ADAM12: variants seen among roughly 807,000 people sequenced by gnomAD.
ADAM12 encodes ADAM metallopeptidase domain 12.
In ADAM12, 70 loss-of-function variants were observed where a neutral mutation model predicts 106.4. The observed-to-expected ratio is 0.66, with a 90% CI of 0.54 to 0.80. ADAM12 has a LOEUF of 0.80. ADAM12 is among the 30% of genes least tolerant of loss of function. ADAM12 has a pLI of 0.00. For synonymous variants in ADAM12, 420 were observed against 433.5 expected (o/e 0.97, Z 0.39); for missense variants, 1,010 against 1,171.9 (o/e 0.86, Z 2.02).
chr10:126,347,020 A>G (rs994714269), intron 1 of ADAM12, among the ~76,000 whole-genome samples: 8 of 152,182 alleles, frequency 5.3e-5, no homozygotes, highest in Non-Finnish European at 1.2e-4. Flanking sequence ...TAGCCCATTT[A>G]CACTTAAGGT....
At chr10:126,046,574 G>A (rs910214191) in intron 16 of ADAM12, among the ~76,000 whole-genome samples, 1 of 151,920 alleles carries the variant, frequency 6.6e-6, no homozygotes, top group Non-Finnish European at 1.5e-5. Context: ...GGAGGCCGAG[G>A]CAGGCAGAAC....
intron 11 of ADAM12, among the ~76,000 whole-genome samples, chr10:126,082,656 C>A (rs1483712903): frequency 6.6e-6 from 1 of 152,136 alleles, no homozygotes; most frequent in African/African-American, 2.4e-5. Flanking sequence ...CAGGCGTGAG[C>A]CACCATGCCG....
At chr10:126,114,151 A>G (rs1403841794) in intron 6 of ADAM12, among the ~76,000 whole-genome samples, 1 of 152,170 alleles carries the variant, frequency 6.6e-6, no homozygotes, top group Non-Finnish European at 1.5e-5. Context: ...GGGACAGCAC[A>G]CACTGATCAT....
At chr10:126,333,544 T>A (rs1471447317) in intron 1 of ADAM12, among the ~76,000 whole-genome samples, 5 of 152,140 alleles carry the variant, frequency 3.3e-5, no homozygotes, top group Non-Finnish European at 7.4e-5. Flanking sequence ...GGGAGGGGTG[T>A]AGGGGAGGCA....
At chr10:126,274,496 G>T (rs186883986) in intron 3 of ADAM12, among the ~76,000 whole-genome samples, 60 of 152,244 alleles carry the variant, frequency 3.9e-4, no homozygotes, top group Non-Finnish European at 1.6e-4. Flanking sequence ...CCAAGCACAG[G>T]ATTTTACATT....
chr10:126,062,579 T>C (rs1010552640), intron 14 of ADAM12, among the ~76,000 whole-genome samples: 3 of 152,180 alleles, frequency 2.0e-5, no homozygotes, highest in African/African-American at 7.2e-5. Context: ...AGGACTAGAC[T>C]GATGAGATAA....
intron 3 of ADAM12, among the ~76,000 whole-genome samples, chr10:126,165,861 G>A (rs1468957229): frequency 6.6e-6 from 1 of 152,162 alleles, no homozygotes; most frequent in Non-Finnish European, 1.5e-5. Context: ...TATAATTTCA[G>A]TATTTTGGGA....
chr10:126,067,042 G>A (rs1300661707), intron 12 of ADAM12: 4 of 491,224 alleles, frequency 8.1e-6, no homozygotes, highest in Admixed American at 3.2e-5. Context: ...CCTCATGAAA[G>A]GTAAAGCAGT....
At chr10:126,276,209 C>G (rs1959238622) in intron 3 of ADAM12, among the ~76,000 whole-genome samples, 1 of 152,166 alleles carries the variant, frequency 6.6e-6, no homozygotes, top group South Asian at 2.1e-4. Context: ...ACCAGCTTGC[C>G]TTCTGATTGG....
intron 19 of ADAM12, among the ~76,000 whole-genome samples, chr10:126,038,955 T>C (rs892875832): frequency 0.019 from 2,292 of 119,086 alleles, 43 homozygotes; most frequent in African/African-American, 0.066. Context: ...ACCATTTCTT[T>C]TTTTTTTTTT....
At chr10:126,350,586 T>TC (rs1396846915) in intron 1 of ADAM12, among the ~76,000 whole-genome samples, 7 of 152,268 alleles carry the variant, frequency 4.6e-5, no homozygotes, top group Non-Finnish European at 1.0e-4. Context: ...TGGAGCATTT[T>TC]CCGCAGTGAC....
chr10:126,125,184 T>C (rs1956183179), intron 5 of ADAM12, among the ~76,000 whole-genome samples: 2 of 151,652 alleles, frequency 1.3e-5, no homozygotes, highest in South Asian at 4.2e-4. Flanking sequence ...TCACTCTTGA[T>C]CCTTCATGGC....
chr10:126,109,719 T>A, intron 7 of ADAM12, 56 bp downstream of exon 7: 1 of 1,512,020 alleles, frequency 6.6e-7, no homozygotes, highest in Non-Finnish European at 9.1e-7. Context: ...GCAAAACATG[T>A]CCTTTTTTCT....
chr10:126,359,159 A>T (rs1855651366), intron 1 of ADAM12, among the ~76,000 whole-genome samples: 1 of 152,164 alleles, frequency 6.6e-6, no homozygotes, highest in African/African-American at 2.4e-5. Flanking sequence ...CCATGATTCA[A>T]TTACCTCCCA....
chr10:126,366,888 T>C (rs1179557297), intron 1 of ADAM12, among the ~76,000 whole-genome samples: 1 of 152,086 alleles, frequency 6.6e-6, no homozygotes, highest in Non-Finnish European at 1.5e-5. Flanking sequence ...ATAACAATCC[T>C]AGATGTGTAT....
intron 2 of ADAM12, among the ~76,000 whole-genome samples, chr10:126,329,177 C>T (rs1369979507): frequency 1.3e-5 from 2 of 151,780 alleles, no homozygotes; most frequent in African/African-American, 2.4e-5. Flanking sequence ...CATATTTACA[C>T]TAAAATTAAA....
chr10:126,387,001 C>T (rs1198326858), intron 1 of ADAM12, among the ~76,000 whole-genome samples: 1 of 152,166 alleles, frequency 6.6e-6, no homozygotes, highest in East Asian at 1.9e-4. Context: ...TTACAGTAGA[C>T]GCGGTGGGGG....
Position 126,108,650 on chromosome 10 carries a change from T to TC in ADAM12, c.683dup (p.Asp230ArgfsTer6). On this transcript the variant is annotated frameshift_variant, in exon 8 of 23. Coordinates refer to ENST00000448723, the MANE Select transcript of ADAM12 (RefSeq NM_001288973.2). LOFTEE classifies it high-confidence loss of function. The stretch of plus-strand genomic sequence containing the variant: ...GCTGCTTAACTTTTTCCAGATCTTT[T>TC]CCTTGCCTCTGAAACTTAACAATTT... The TC allele has an allele frequency of 1.9e-6, 3 of 1,614,046 alleles. No individual in the cohort carries two copies. Among genetic ancestry groups the TC allele is most frequent in the Non-Finnish European group, 2.5e-6 (3 of 1,179,874 alleles).
At position 126,262,438 on chromosome 10, in the gene ADAM12, T is replaced by A. The variant is rs370263390; in HGVS notation, c.260+16477A>T. Among the ~76,000 whole-genome samples the A allele has an allele frequency of 4.5e-4, 68 of 152,262 alleles. 2 individuals are homozygous for A. In the South Asian group the frequency reaches 0.014, roughly 31 times the overall value. Reference sequence around the variant, plus strand: ...TTCCAATGACAATGTCCTCTGCAAATCTGCAAATCAGTCAGGATTCCTAGC... The same window carrying A: ...TTCCAATGACAATGTCCTCTGCAAAACTGCAAATCAGTCAGGATTCCTAGC... On this transcript the variant is annotated intron_variant, in intron 3 of 22. Coordinates refer to ENST00000448723, the MANE Select transcript of ADAM12 (RefSeq NM_001288973.2).
Sources: gnomAD v4.1 joint callset for allele counts (sites outside exome capture counted in the v4.1 genomes callset) on GRCh38, gnomAD v4.1.1 for gene constraint, MANE v1.5 for transcripts, NCBI Gene and HGNC (gene_info 2026-07-23, HGNC 2026-07-21) for gene names.